Variants in CSMD1 observed in about 807,000 individuals in gnomAD.
CSMD1 encodes CUB and sushi domain-containing protein 1.
Under a neutral mutation model 417.5 loss-of-function variants are expected in CSMD1, and 213 were observed. The observed-to-expected ratio is 0.51, with a 90% CI of 0.46 to 0.57. CSMD1 has a LOEUF of 0.57. Ranked by LOEUF, CSMD1 falls within the 20% of genes least tolerant of loss-of-function variation. The pLI is 0.00. For synonymous variants in CSMD1, 2,862 were observed against 1,736.8 expected, an observed-to-expected ratio of 1.65 and a Z score of -16.11; for missense variants, 6,923 against 4,529.7, an observed-to-expected ratio of 1.53 and a Z score of -15.17.
chr8:4,383,152 A>G (rs914710585), intron 3 of CSMD1, among the ~76,000 whole-genome samples: 4 of 152,196 alleles, frequency 2.6e-5, no homozygotes, highest in Admixed American at 6.5e-5. Context: ...ATTTGTTTCA[A>G]AATTTCTCAC....
intron 23 of CSMD1, among the ~76,000 whole-genome samples, chr8:3,335,932 C>G (rs757350598): frequency 5.3e-5 from 8 of 152,158 alleles, no homozygotes; most frequent in Non-Finnish European, 1.2e-4. Context: ...TCTCAAAAGT[C>G]TGGCCTTCCT....
chr8:3,448,646 G>A (rs1815490756), intron 12 of CSMD1, among the ~76,000 whole-genome samples: 1 of 152,028 alleles, frequency 6.6e-6, no homozygotes, highest in Non-Finnish European at 1.5e-5. Context: ...AAGGAGCGGG[G>A]CAGCATGAGT....
At chr8:3,054,417 A>C (rs1812076675) in intron 49 of CSMD1, among the ~76,000 whole-genome samples, 1 of 152,176 alleles carries the variant, frequency 6.6e-6, no homozygotes, top group Non-Finnish European at 1.5e-5. Context: ...CAGGAGTTCT[A>C]CATTAGCCTG....
intron 7 of CSMD1, among the ~76,000 whole-genome samples, chr8:3,689,192 C>G (rs564832003): frequency 1.3e-5 from 2 of 152,302 alleles, no homozygotes; most frequent in East Asian, 3.9e-4. Flanking sequence ...TTTCAGGGAG[C>G]TGCACACAAG....
chr8:4,480,051 G>A (rs1220114968), intron 2 of CSMD1, among the ~76,000 whole-genome samples: 2 of 151,912 alleles, frequency 1.3e-5, no homozygotes, highest in South Asian at 2.1e-4. Context: ...CCTGGAGAAT[G>A]TGGTCGTGAG....
At chr8:3,897,710 G>C (rs1295128543) in intron 5 of CSMD1, among the ~76,000 whole-genome samples, 2 of 152,096 alleles carry the variant, frequency 1.3e-5, no homozygotes, top group Non-Finnish European at 2.9e-5. Flanking sequence ...ATAATCCCGT[G>C]AGGAAGCCCT....
rs1294631575 is a variant in CSMD1 at position 2,977,089 on chromosome 8, A to G, written c.8566+1523T>C. On this transcript the variant is annotated intron_variant, in intron 55 of 69. Coordinates refer to ENST00000635120, the MANE Select transcript of CSMD1 (RefSeq NM_033225.6). ...GAAAGAAAGAAAAAAAGATTTAATA[A>G]CAACTTTATTCATTTATTTTTTATC... Among the ~76,000 whole-genome samples the G allele has an allele frequency of 3.3e-5, 5 of 152,194 alleles. No individual in the cohort carries two copies. The South Asian group carries it at 8.3e-4, about 25-fold the overall frequency.
At chr8:3,510,037 C>T (rs1327797216) in intron 10 of CSMD1, among the ~76,000 whole-genome samples, 1 of 152,202 alleles carries the variant, frequency 6.6e-6, no homozygotes, top group Non-Finnish European at 1.5e-5. Context: ...CACTTCTCCC[C>T]TCTACATCAG....
intron 7 of CSMD1, among the ~76,000 whole-genome samples, chr8:3,670,276 A>G (rs1798920642): frequency 6.6e-6 from 1 of 151,988 alleles, no homozygotes; most frequent in South Asian, 2.1e-4. Flanking sequence ...CTAGCCTCCC[A>G]GCCTACATCC....
chr8:4,847,219 A>G (rs2116811678), intron 1 of CSMD1, among the ~76,000 whole-genome samples: 1 of 152,316 alleles, frequency 6.6e-6, no homozygotes, highest in South Asian at 2.1e-4. Flanking sequence ...AAATTAATTA[A>G]TGCTTAAAGT....
intron 1 of CSMD1, among the ~76,000 whole-genome samples, chr8:4,930,120 T>G (rs896492961): frequency 2.0e-5 from 3 of 152,174 alleles, no homozygotes; most frequent in Non-Finnish European, 4.4e-5. Flanking sequence ...TTGTGTGACC[T>G]TACATCAATT....
chr8:3,719,546 G>A (rs1407079310), intron 6 of CSMD1, among the ~76,000 whole-genome samples: 1 of 152,164 alleles, frequency 6.6e-6, no homozygotes, highest in Non-Finnish European at 1.5e-5. Flanking sequence ...TAACTTCAGT[G>A]ACTTCTTTTG....
intron 1 of CSMD1, among the ~76,000 whole-genome samples, chr8:4,702,677 C>T (rs1807652736): frequency 6.6e-6 from 1 of 152,104 alleles, no homozygotes; most frequent in South Asian, 2.1e-4. Context: ...TTAATAACCA[C>T]TAATACAACC....
At chr8:4,838,057 C>G (rs1299644863) in intron 1 of CSMD1, among the ~76,000 whole-genome samples, 1 of 151,958 alleles carries the variant, frequency 6.6e-6, no homozygotes, top group Non-Finnish European at 1.5e-5. Flanking sequence ...GAATGGGTGA[C>G]CAGGAAGGGA....
At chr8:4,235,989 G>T (rs1007867037) in intron 3 of CSMD1, among the ~76,000 whole-genome samples, 1 of 146,456 alleles carries the variant, frequency 6.8e-6, no homozygotes, top group African/African-American at 2.6e-5. Flanking sequence ...CAAGTGATTC[G>T]TGATAATCAC....
intron 3 of CSMD1, among the ~76,000 whole-genome samples, chr8:4,412,982 C>G (rs1796731049): frequency 6.6e-6 from 1 of 152,178 alleles, no homozygotes; most frequent in Non-Finnish European, 1.5e-5. Flanking sequence ...CCATCTTTAT[C>G]TTTTCAGTAG....
At position 3,853,405 on chromosome 8, in the gene CSMD1, A is replaced by C. The variant is rs146176761; in HGVS notation, c.819-99363T>G. 2.5e-3 allele frequency among the ~76,000 whole-genome samples: 380 copies of C among 152,292 alleles called. 1 individual carries two copies. Among genetic ancestry groups the C allele is most frequent in the African/African-American group, 8.7e-3 (361 of 41,552 alleles). On this transcript the variant is annotated intron_variant, in intron 5 of 69. Transcript: ENST00000635120. ...AATGCATTGGTATAGCACGCTCTATAATTTACTTTAAAAATGTATTTTCTT... is the reference window on the plus strand; with the variant it reads ...AATGCATTGGTATAGCACGCTCTATCATTTACTTTAAAAATGTATTTTCTT...
chr8:3,526,567 T>A (rs1389354361), intron 10 of CSMD1, among the ~76,000 whole-genome samples: 1 of 152,150 alleles, frequency 6.6e-6, no homozygotes, highest in Admixed American at 6.5e-5. Context: ...CACTAATGCA[T>A]CATTGCCTGT....
At chr8:3,393,425 C>G (rs1002568627) in intron 17 of CSMD1, among the ~76,000 whole-genome samples, 1 of 152,186 alleles carries the variant, frequency 6.6e-6, no homozygotes, top group South Asian at 2.1e-4. Context: ...ACTGTATAAA[C>G]AGGCATCATC....
Sources: allele counts gnomAD v4.1 joint callset (sites outside exome capture counted in the v4.1 genomes callset), GRCh38; gene constraint gnomAD v4.1.1; transcripts MANE v1.5; gene names NCBI Gene and HGNC (gene_info 2026-07-23, HGNC 2026-07-21).